Variants in CNGB3 observed in about 807,000 individuals in gnomAD.
CNGB3 encodes the protein cyclic nucleotide-gated channel beta-3.
CNGB3 carries 86 observed loss-of-function variants against 92.8 expected under a neutral mutation model. The observed-to-expected ratio is 0.93, with a 90% confidence interval of 0.78 to 1.11. The LOEUF (loss-of-function observed/expected upper bound fraction) is 1.11. CNGB3 is among the 50% of genes least tolerant of loss of function. The pLI is 0.00. For missense variants in CNGB3, 1,026 were observed against 956.8 expected, an observed-to-expected ratio of 1.07 and a Z score of -0.95; for synonymous variants, 333 against 332.7, an observed-to-expected ratio of 1.00 and a Z score of -0.01.
intron 14 of CNGB3, among the ~76,000 whole-genome samples, chr8:86,607,002 A>G (rs931983266): frequency 1.3e-5 from 2 of 152,254 alleles, no homozygotes; most frequent in African/African-American, 2.4e-5. Context: ...TTAGGAAGTA[A>G]TGATGAGGAC....
chr8:86,604,216 A>G lies in CNGB3; in HGVS notation c.1663-5T>C. 6.5e-7 allele frequency: 1 copy of G among 1,549,256 alleles called. No homozygotes were observed. Among genetic ancestry groups the G allele is most frequent in the South Asian group, 1.1e-5 (1 of 89,554 alleles). On this transcript the variant is annotated splice_region_variant and splice_polypyrimidine_tract_variant and intron_variant, in intron 14 of 17. Transcript: ENST00000320005. ...CATTTCCTTGCCAATTTCTCCCTAC[A>G]TTTTAAATATAAAGAGGAAATGGTA... is the stretch of plus-strand genomic sequence containing the variant.
intron 2 of CNGB3, among the ~76,000 whole-genome samples, chr8:86,732,080 G>A (rs1441336767): frequency 2.0e-5 from 3 of 152,128 alleles, no homozygotes; most frequent in Non-Finnish European, 4.4e-5. Flanking sequence ...GCCTTTTAAA[G>A]GAAAAGAATC....
At chr8:86,597,561 G>A (rs1822199634) in intron 15 of CNGB3, among the ~76,000 whole-genome samples, 1 of 152,174 alleles carries the variant, frequency 6.6e-6, no homozygotes. Context: ...GAAAGAAGCT[G>A]AGATCTTGGT....
intron 13 of CNGB3, among the ~76,000 whole-genome samples, chr8:86,620,395 T>C (rs981361516): frequency 5.9e-5 from 9 of 152,260 alleles, no homozygotes; most frequent in African/African-American, 2.2e-4. Context: ...TGCAGATGGC[T>C]ACCTTCTCAC....
chr8:86,658,445 C>G, intron 6 of CNGB3: 2 of 416,190 alleles, frequency 4.8e-6, no homozygotes, highest in Non-Finnish European at 9.0e-6. Context: ...GCTCCTGGGT[C>G]TCCTGCAACC....
intron 3 of CNGB3, among the ~76,000 whole-genome samples, chr8:86,689,694 A>AT (rs1265354740): frequency 1.3e-5 from 2 of 151,930 alleles, no homozygotes; most frequent in African/African-American, 4.8e-5. Context: ...TATATCTCCT[A>AT]ATGCTATCCC....
chr8:86,658,123 C>T (rs1038976749), intron 6 of CNGB3: 10 of 532,194 alleles, frequency 1.9e-5, no homozygotes, highest in African/African-American at 7.8e-5. Context: ...GCCTCCAGTC[C>T]CTGGGACTAG....
At chr8:86,724,455 A>G (rs182045095) in intron 3 of CNGB3, among the ~76,000 whole-genome samples, 13 of 152,238 alleles carry the variant, frequency 8.5e-5, no homozygotes, top group Admixed American at 2.6e-4. Context: ...AGCAAATCCA[A>G]TATGTTTGGA....
chr8:86,598,251 T>C (rs2131553751), intron 15 of CNGB3, among the ~76,000 whole-genome samples: 1 of 152,296 alleles, frequency 6.6e-6, no homozygotes, highest in Non-Finnish European at 1.5e-5. Context: ...ATATGGTTAT[T>C]GGATTTGAGT....
intron 6 of CNGB3, chr8:86,657,442 G>A (rs946457439): frequency 1.3e-4 from 65 of 513,734 alleles, no homozygotes; most frequent in Non-Finnish European, 1.9e-4. Flanking sequence ...GAATGCAGGG[G>A]TTGCTGCCCA....
intron 10 of CNGB3, among the ~76,000 whole-genome samples, chr8:86,637,566 T>C (rs1823096252): frequency 6.6e-6 from 1 of 152,168 alleles, no homozygotes; most frequent in African/African-American, 2.4e-5. Context: ...ATTTTAACAA[T>C]ATTAATTATT....
At chr8:86,644,041 G>A (rs1823244620) in intron 9 of CNGB3, among the ~76,000 whole-genome samples, 168 bp from the exon 10 acceptor site, 1 of 150,302 alleles carries the variant, frequency 6.7e-6, no homozygotes, top group Non-Finnish European at 1.5e-5. Flanking sequence ...CATGTTTTCT[G>A]ATGGCAATGT....
At chr8:86,713,926 A>G (rs1164611753) in intron 3 of CNGB3, among the ~76,000 whole-genome samples, 1 of 152,140 alleles carries the variant, frequency 6.6e-6, no homozygotes, top group East Asian at 1.9e-4. Context: ...TTTCTCATAT[A>G]CCTTTGATCC....
At chr8:86,737,493 T>A (rs1038465903) in intron 2 of CNGB3, among the ~76,000 whole-genome samples, 1 of 152,218 alleles carries the variant, frequency 6.6e-6, no homozygotes, top group Admixed American at 6.5e-5. Flanking sequence ...GCGGTCCTTT[T>A]TTTAAATTTT....
chr8:86,700,460 A>G (rs1824534175), intron 3 of CNGB3, among the ~76,000 whole-genome samples: 1 of 152,188 alleles, frequency 6.6e-6, no homozygotes, highest in African/African-American at 2.4e-5. Context: ...GAGTAAGACT[A>G]CTTTTTCTAA....
chr8:86,729,789 G>A (rs931946559), intron 2 of CNGB3, among the ~76,000 whole-genome samples: 1 of 152,196 alleles, frequency 6.6e-6, no homozygotes, highest in Non-Finnish European at 1.5e-5. Context: ...TAAAATACAA[G>A]GCAAATCTTG....
chr8:86,643,646 G>A, intron 10 of CNGB3, 105 bp downstream of exon 10: 1 of 1,273,438 alleles, frequency 7.9e-7, no homozygotes, highest in Non-Finnish European at 1.1e-6. Flanking sequence ...ACCAGCCATT[G>A]AATGGGTTAT....
chr8:86,603,900 T>G (rs539909006), intron 15 of CNGB3, among the ~76,000 whole-genome samples, 193 bp downstream of exon 15: 240 of 152,334 alleles, frequency 1.6e-3, no homozygotes, highest in African/African-American at 5.7e-3. Context: ...ACTAAAGAGC[T>G]GAATGACCCA....
chr8:86,620,897 CA>C (rs912289204), intron 13 of CNGB3, among the ~76,000 whole-genome samples: 93 of 126,118 alleles, frequency 7.4e-4, no homozygotes, highest in Middle Eastern at 4.0e-3. Flanking sequence ...CTTGGCTTTA[CA>C]AAAAAAAAAG....
Sources: gnomAD v4.1 joint callset for allele counts (sites outside exome capture counted in the v4.1 genomes callset) on GRCh38, gnomAD v4.1.1 for gene constraint, MANE v1.5 for transcripts, NCBI Gene and HGNC (gene_info 2026-07-23, HGNC 2026-07-21) for gene names.